The following FANK1 variants were observed in gnomAD, a reference collection of about 807,000 sequenced individuals.
The protein encoded by FANK1 is fibronectin type 3 and ankyrin repeat domains protein 1.
A neutral mutation model predicts 45.3 loss-of-function variants in FANK1; 44 were observed. The observed-to-expected ratio is 0.97, with a 90% CI of 0.76 to 1.25. FANK1 has a LOEUF of 1.25. FANK1 is among the 50% of genes most tolerant of loss of function. The pLI, the probability that FANK1 is intolerant of heterozygous loss-of-function variation, is 0.00. For missense variants in FANK1, 391 were observed against 424.4 expected (o/e 0.92, Z 0.69); for synonymous variants, 149 against 152.5 (o/e 0.98, Z 0.17).
At chr10:125,919,329 G>A (rs78925007) in intron 1 of FANK1, among the ~76,000 whole-genome samples, 120 of 144,374 alleles carry the variant, frequency 8.3e-4, no homozygotes, top group Non-Finnish European at 1.5e-3. Context: ...CCTCAGCCTC[G>A]CTAGTAGCTG....
intron 3 of FANK1, among the ~76,000 whole-genome samples, chr10:125,992,660 T>A (rs538733191): frequency 6.6e-6 from 1 of 152,232 alleles, no homozygotes; most frequent in South Asian, 2.1e-4. Flanking sequence ...CTTGTTTCAT[T>A]TCCCAACCTT....
At chr10:126,006,927 A>G (rs1235380377) in intron 7 of FANK1, among the ~76,000 whole-genome samples, 1 of 152,244 alleles carries the variant, frequency 6.6e-6, no homozygotes, top group Non-Finnish European at 1.5e-5. Flanking sequence ...AGTTTTGGAA[A>G]TGTAGGCTCT....
intron 1 of FANK1, among the ~76,000 whole-genome samples, chr10:125,926,205 C>A (rs866470645): frequency 6.6e-6 from 1 of 152,110 alleles, no homozygotes; most frequent in East Asian, 1.9e-4. Context: ...GATTCACAGG[C>A]GGTTTTAAGA....
chr10:125,939,099 A>G (rs1049966383), intron 1 of FANK1, among the ~76,000 whole-genome samples: 2 of 152,226 alleles, frequency 1.3e-5, no homozygotes, highest in Admixed American at 6.5e-5. Flanking sequence ...GAATATAATT[A>G]TGCACATACA....
In FANK1 at chr10:126,005,059, C is replaced by T. The variant is rs1460589004; in HGVS notation, c.705+10C>T. On this transcript the variant is annotated intron_variant, in intron 7 of 10. Coordinates refer to ENST00000368693, the MANE Select transcript of FANK1 (RefSeq NM_145235.5). Reference sequence around the variant, plus strand: ...AAAGGATGGCTGTGAGGTACGGGACCTGCCTTGTTAACCACGCACATATCG... The same window carrying T: ...AAAGGATGGCTGTGAGGTACGGGACTTGCCTTGTTAACCACGCACATATCG... 2 of 1,610,210 alleles carry T rather than the reference C, an allele frequency of 1.2e-6. No homozygotes were observed. Among genetic ancestry groups the T allele is most frequent in the Non-Finnish European group, 1.7e-6 (2 of 1,177,544 alleles).
intron 1 of FANK1, among the ~76,000 whole-genome samples, chr10:125,927,916 A>G (rs1205564435): frequency 1.3e-5 from 2 of 152,140 alleles, no homozygotes; most frequent in African/African-American, 4.8e-5. Context: ...TGGGAGTGCA[A>G]GTGCTTTATA....
At chr10:125,993,035 T>G (rs1952052880) in intron 3 of FANK1, among the ~76,000 whole-genome samples, 1 of 152,134 alleles carries the variant, frequency 6.6e-6, no homozygotes, top group Non-Finnish European at 1.5e-5. Flanking sequence ...GATGCTGCCC[T>G]CTCCTAACTG....
At chr10:125,982,303 G>C (rs1951272749) in intron 2 of FANK1, among the ~76,000 whole-genome samples, 1 of 152,242 alleles carries the variant, frequency 6.6e-6, no homozygotes. Context: ...AGCTGCGTGT[G>C]CTGGCTTCCA....
rs1564888133 is a variant in FANK1, at chr10:125,934,722, CCGTTTTTTT to C, written c.13+38068_13+38076del. Among the ~76,000 whole-genome samples the C allele has an allele frequency of 5.0e-4, 61 of 123,016 alleles. 2 individuals are homozygous for C. Among genetic ancestry groups the C allele is most frequent in the Middle Eastern group, 4.9e-3 (1 of 204 alleles). 80.7% of individuals were successfully genotyped at this position (123,016 alleles called of 152,430 possible). ...TCAGTTCCCACCACCTGTACCCCTA[CCGTTTTTTT>C]TTTTTTTTTTTTTTTTTTTTTTTTT... On this transcript the variant is annotated intron_variant, in intron 1 of 10. Coordinates refer to ENST00000368693, the MANE Select transcript of FANK1 (RefSeq NM_145235.5).
chr10:125,900,962 C>A, intron 1 of FANK1, among the ~76,000 whole-genome samples: 1 of 151,948 alleles, frequency 6.6e-6, no homozygotes, highest in Non-Finnish European at 1.5e-5. Flanking sequence ...TTTCTGCCCC[C>A]CTTTTTTTTT....
In FANK1 at chr10:125,934,909, C is replaced by T. The variant is rs370909934; in HGVS notation, c.13+38254C>T. Among the ~76,000 whole-genome samples, 46 of 152,130 alleles carry T rather than the reference C, an allele frequency of 3.0e-4. No homozygotes were observed. In the South Asian group the frequency reaches 9.2e-3, roughly 30 times the overall value. ...GCTGCTCGGGAGCAGCTGGTGCCTG[C>T]CCTGCAGGATGGTGCCATGGGCCTG... On this transcript the variant is annotated intron_variant, in intron 1 of 10. Coordinates refer to ENST00000368693, the MANE Select transcript of FANK1 (RefSeq NM_145235.5).
intron 1 of FANK1, among the ~76,000 whole-genome samples, chr10:125,961,075 G>A (rs1407198095): frequency 6.6e-6 from 1 of 152,104 alleles, no homozygotes; most frequent in African/African-American, 2.4e-5. Context: ...CACACAGAAA[G>A]TAATGTATTC....
In FANK1 at chr10:125,907,674, A is replaced by G. The variant is rs1459161817; in HGVS notation, c.13+11019A>G. On this transcript the variant is annotated intron_variant, in intron 1 of 10. Coordinates refer to ENST00000368693, the MANE Select transcript of FANK1 (RefSeq NM_145235.5). ...GGAGGAGAGAGACATACATTAGGAT[A>G]TGAGATAGACATATTGCTAGCATGC... is the stretch of plus-strand genomic sequence containing the variant. 3.3e-5 allele frequency among the ~76,000 whole-genome samples: 5 copies of G among 152,034 alleles called. 1 individual carries two copies. Among genetic ancestry groups the G allele is most frequent in the Non-Finnish European group, 7.4e-5 (5 of 68,008 alleles).
intron 1 of FANK1, among the ~76,000 whole-genome samples, chr10:125,963,924 A>C (rs1950067553): frequency 6.6e-6 from 1 of 152,300 alleles, no homozygotes; most frequent in East Asian, 1.9e-4. Flanking sequence ...ATAATTTTGC[A>C]GTGCAGCTTA....
At chr10:125,962,240 C>T (rs1347386742) in intron 1 of FANK1, among the ~76,000 whole-genome samples, 1 of 152,162 alleles carries the variant, frequency 6.6e-6, no homozygotes, top group African/African-American at 2.4e-5. Context: ...CTGTAGACCC[C>T]CTTGCACCCA....
chr10:125,899,017 C>T (rs1944816644), intron 1 of FANK1, among the ~76,000 whole-genome samples: 1 of 151,692 alleles, frequency 6.6e-6, no homozygotes, highest in Non-Finnish European at 1.5e-5. Flanking sequence ...ACCTGAGCCT[C>T]CTGGCTAGAT....
At chr10:125,924,799 C>T (rs1947223299) in intron 1 of FANK1, among the ~76,000 whole-genome samples, 1 of 145,356 alleles carries the variant, frequency 6.9e-6, no homozygotes. Flanking sequence ...AGAGTGAGAC[C>T]CCATCTCAAA....
intron 1 of FANK1, among the ~76,000 whole-genome samples, chr10:125,920,322 A>G (rs1272075940): frequency 6.6e-6 from 1 of 152,222 alleles, no homozygotes; most frequent in African/African-American, 2.4e-5. Flanking sequence ...TGTGATTATA[A>G]TACATTAGCT....
intron 1 of FANK1, among the ~76,000 whole-genome samples, chr10:125,926,528 A>C (rs1437196181): frequency 1.3e-5 from 2 of 152,300 alleles, no homozygotes; most frequent in Non-Finnish European, 2.9e-5. Flanking sequence ...TCAAGAACAC[A>C]TGTAAATGAA....
Sources: allele counts gnomAD v4.1 joint callset (sites outside exome capture counted in the v4.1 genomes callset), GRCh38; gene constraint gnomAD v4.1.1; transcripts MANE v1.5; gene names NCBI Gene and HGNC (gene_info 2026-07-23, HGNC 2026-07-21).